CAMK1D: variants seen among roughly 807,000 people sequenced by gnomAD.
CAMK1D encodes calcium/calmodulin-dependent protein kinase type 1D.
Under a neutral mutation model 47.7 loss-of-function variants are expected in CAMK1D, and 9 were observed. That is an observed-to-expected ratio of 0.19 (90% CI 0.11 to 0.33). The LOEUF (loss-of-function observed/expected upper bound fraction) is 0.33. Among genes scored for constraint, CAMK1D ranks in the 10% least tolerant of loss-of-function variants. CAMK1D has a pLI of 1.00. For missense variants in CAMK1D, 291 were observed against 488.7 expected (o/e 0.60, Z 3.81); for synonymous variants, 184 against 184.9 (o/e 0.99, Z 0.04).
chr10:12,699,649 G>GAA (rs368569893), intron 3 of CAMK1D, among the ~76,000 whole-genome samples: 2,387 of 143,766 alleles, frequency 0.017, 69 homozygotes, highest in African/African-American at 0.058. Flanking sequence ...GCTGTAACTT[G>GAA]AAAAAAAAAA....
chr10:12,534,136 A>C (rs983974973), intron 1 of CAMK1D, among the ~76,000 whole-genome samples: 2 of 152,216 alleles, frequency 1.3e-5, no homozygotes, highest in Non-Finnish European at 2.9e-5. Context: ...CTTGTAACAA[A>C]CAAACCTCCA....
intron 2 of CAMK1D, among the ~76,000 whole-genome samples, chr10:12,560,919 T>C (rs1588633675): frequency 2.3e-5 from 3 of 132,050 alleles, no homozygotes; most frequent in South Asian, 4.9e-4. Flanking sequence ...TTTCTTTCTT[T>C]CTTTTTTTTT....
chr10:12,565,978 A>G (rs184198942), intron 2 of CAMK1D, among the ~76,000 whole-genome samples: 1 of 152,256 alleles, frequency 6.6e-6, no homozygotes, highest in Non-Finnish European at 1.5e-5. Flanking sequence ...AAGGCAGGAT[A>G]CAGTGTGGTG....
intron 1 of CAMK1D, among the ~76,000 whole-genome samples, chr10:12,373,750 A>G (rs934876517): frequency 1.3e-5 from 2 of 151,684 alleles, no homozygotes; most frequent in East Asian, 2.0e-4. Context: ...TGGTGGGGAC[A>G]TGGGTTTGCG....
intron 3 of CAMK1D, among the ~76,000 whole-genome samples, chr10:12,702,552 A>G (rs188613327): frequency 3.0e-4 from 46 of 152,360 alleles, no homozygotes; most frequent in African/African-American, 7.9e-4. Flanking sequence ...AACTTTTCCT[A>G]TGAAAGCAGT....
intron 1 of CAMK1D, among the ~76,000 whole-genome samples, chr10:12,458,361 C>T (rs895138739): frequency 9.9e-5 from 15 of 152,230 alleles, no homozygotes; most frequent in Admixed American, 4.6e-4. Flanking sequence ...CCAGAGGGGA[C>T]GTTCATTGCT....
chr10:12,444,563 G>T (rs965190205), intron 1 of CAMK1D, among the ~76,000 whole-genome samples: 4 of 152,140 alleles, frequency 2.6e-5, no homozygotes, highest in African/African-American at 4.8e-5. Context: ...GAAGTTAGAG[G>T]CAGACATCAG....
At chr10:12,352,432 A>T (rs1837380044) in intron 1 of CAMK1D, among the ~76,000 whole-genome samples, 2 of 151,928 alleles carry the variant, frequency 1.3e-5, no homozygotes, top group Non-Finnish European at 2.9e-5. Context: ...AACATGGTGA[A>T]ACCCTGTTGC....
intron 1 of CAMK1D, among the ~76,000 whole-genome samples, chr10:12,373,411 C>G (rs1441074048): frequency 6.6e-6 from 1 of 152,088 alleles, no homozygotes. Flanking sequence ...GCGGGTGGGT[C>G]ACCTGAGGTC....
At chr10:12,449,705 TAA>T (rs1004592553) in intron 1 of CAMK1D, among the ~76,000 whole-genome samples, 2 of 152,092 alleles carry the variant, frequency 1.3e-5, no homozygotes, top group Non-Finnish European at 2.9e-5. Flanking sequence ...CAGTAAAGCT[TAA>T]AAAAAGACAC....
At chr10:12,547,568 C>G (rs1052012659) in intron 1 of CAMK1D, among the ~76,000 whole-genome samples, 1 of 151,674 alleles carries the variant, frequency 6.6e-6, no homozygotes, top group African/African-American at 2.4e-5. Context: ...AATGTATGTT[C>G]TTGGGTTGGG....
intron 2 of CAMK1D, among the ~76,000 whole-genome samples, chr10:12,576,938 C>A (rs1457094770): frequency 6.6e-6 from 1 of 152,174 alleles, no homozygotes; most frequent in African/African-American, 2.4e-5. Flanking sequence ...AGAAAAGGAA[C>A]CACATCTCTG....
In CAMK1D at chr10:12,442,397, C is replaced by T. The variant is rs183355880; in HGVS notation, c.92+92487C>T. On this transcript the variant is annotated intron_variant, in intron 1 of 10. Coordinates refer to ENST00000619168, the MANE Select transcript of CAMK1D (RefSeq NM_153498.4). The stretch of plus-strand genomic sequence containing the variant: ...TCAGGAGGCTGAGGCAGGAGAATGG[C>T]GTGAACCCGGGAGGCAGAGCTTGCT... Among the ~76,000 whole-genome samples the T allele has an allele frequency of 8.4e-4, 128 of 152,192 alleles. 1 individual carries two copies. Among genetic ancestry groups the T allele is most frequent in the African/African-American group, 2.8e-3 (118 of 41,516 alleles).
At chr10:12,484,950 C>T (rs940930725) in intron 1 of CAMK1D, among the ~76,000 whole-genome samples, 6 of 152,058 alleles carry the variant, frequency 3.9e-5, no homozygotes, top group African/African-American at 9.7e-5. Context: ...TTCCCTTCTC[C>T]TCCTACCCCA....
intron 3 of CAMK1D, among the ~76,000 whole-genome samples, chr10:12,679,654 C>G (rs769201157): frequency 1.3e-5 from 2 of 152,222 alleles, no homozygotes; most frequent in Non-Finnish European, 2.9e-5. Flanking sequence ...GTATCCATTC[C>G]TGCTTTGGGT....
intron 1 of CAMK1D, among the ~76,000 whole-genome samples, chr10:12,539,826 T>C (rs1836106541): frequency 6.6e-6 from 1 of 152,230 alleles, no homozygotes; most frequent in East Asian, 1.9e-4. Context: ...AACAAATGCA[T>C]GCATGGCCCA....
intron 1 of CAMK1D, among the ~76,000 whole-genome samples, chr10:12,393,307 A>G (rs1838814272): frequency 6.6e-6 from 1 of 152,188 alleles, no homozygotes; most frequent in African/African-American, 2.4e-5. Context: ...CTGAGATTAC[A>G]GGCGTGAGAC....
chr10:12,808,217 G>A (rs1832447246), intron 6 of CAMK1D, among the ~76,000 whole-genome samples: 1 of 152,198 alleles, frequency 6.6e-6, no homozygotes, highest in Non-Finnish European at 1.5e-5. Flanking sequence ...GCACGCCCTT[G>A]TATACCCGGA....
intron 5 of CAMK1D, among the ~76,000 whole-genome samples, chr10:12,770,656 G>T (rs915564704): frequency 6.6e-6 from 1 of 152,120 alleles, no homozygotes; most frequent in Non-Finnish European, 1.5e-5. Context: ...GTACTATGAA[G>T]AAACTAAACC....
Sources: gnomAD v4.1 joint callset for allele counts (sites outside exome capture counted in the v4.1 genomes callset) on GRCh38, gnomAD v4.1.1 for gene constraint, MANE v1.5 for transcripts, NCBI Gene and HGNC (gene_info 2026-07-23, HGNC 2026-07-21) for gene names.